The following FRY variants were observed in gnomAD, a reference collection of about 807,000 sequenced individuals.
FRY encodes protein furry homolog.
Under a neutral mutation model 348.4 loss-of-function variants are expected in FRY, and 128 were observed. The observed-to-expected ratio is 0.37, with a 90% confidence interval of 0.32 to 0.43. The LOEUF is 0.43. Among genes scored for constraint, FRY ranks in the 20% least tolerant of loss-of-function variants. The probability of loss-of-function intolerance (pLI) is 1.00; values close to 1 mark genes in which losing one functional copy is unlikely to be tolerated. For missense variants in FRY, 2,736 were observed against 3,695.2 expected, an observed-to-expected ratio of 0.74 and a Z score of 6.73; for synonymous variants, 1,370 against 1,374.7, an observed-to-expected ratio of 1.00 and a Z score of 0.08.
rs754925257 is a variant in FRY at position 32,237,920 on chromosome 13, C to T, written c.6352C>T (p.Leu2118=). The T allele has an allele frequency of 6.2e-7, 1 of 1,614,120 alleles. No homozygotes were observed. Among genetic ancestry groups the T allele is most frequent in the Non-Finnish European group, 8.5e-7 (1 of 1,179,976 alleles). ...FTSLTTTDLT[L]QLFSLLTPVS... The stretch of plus-strand genomic sequence containing the variant: ...ATCCCTCACCACCACAGACCTGACC[C>T]TGCAGCTCTTCAGTCTGCTGACACC... The change falls in exon 44 of 61, where the codon CTG becomes TTG. Residue 2118 remains leucine (L), a synonymous_variant. Coordinates refer to ENST00000542859, the MANE Select transcript of FRY (RefSeq NM_023037.3). The surrounding 1 kb of genome is among the most constrained non-coding windows in gnomAD (Gnocchi z 6.3).
chr13:32,135,504 A>G (rs1317093669), intron 10 of FRY, among the ~76,000 whole-genome samples: 1 of 152,186 alleles, frequency 6.6e-6, no homozygotes, highest in Non-Finnish European at 1.5e-5. Flanking sequence ...GCTAAAGTTT[A>G]TAATAACAGT....
chr13:32,202,858 A>G (rs530230582), intron 31 of FRY, among the ~76,000 whole-genome samples: 4 of 151,968 alleles, frequency 2.6e-5, no homozygotes, highest in African/African-American at 7.2e-5. Context: ...GCTAGGCAGG[A>G]GAATCGCTTG....
At chr13:32,193,234 G>C (rs944272455) in intron 28 of FRY, among the ~76,000 whole-genome samples, 1 of 151,388 alleles carries the variant, frequency 6.6e-6, no homozygotes, top group African/African-American at 2.4e-5. Flanking sequence ...AGTCTACTGA[G>C]ACTGTATTTC....
chr13:32,208,563 C>T (rs935449358), intron 31 of FRY, among the ~76,000 whole-genome samples: 6 of 152,146 alleles, frequency 3.9e-5, no homozygotes, highest in Non-Finnish European at 8.8e-5. Context: ...ATTTTGTCCA[C>T]CCTCTGATAT....
chr13:32,225,064 G>A lies in FRY; in HGVS notation c.5020+28G>A, dbSNP rs750418464. On this transcript the variant is annotated intron_variant, in intron 38 of 60. Coordinates refer to ENST00000542859, the MANE Select transcript of FRY (RefSeq NM_023037.3). ...AAGACTGGATCTAAAAGGCATTCTAGCCAATCGGGTTAAAAATATACAGAA... is the reference window on the plus strand; with the variant it reads ...AAGACTGGATCTAAAAGGCATTCTAACCAATCGGGTTAAAAATATACAGAA... The A allele has an allele frequency of 4.0e-6, 5 of 1,240,014 alleles. No homozygotes were observed. The Admixed American group carries it at 6.7e-5, about 17-fold the overall frequency. 76.8% of individuals were successfully genotyped at this position (1,240,014 alleles called of 1,614,324 possible).
chr13:32,140,113 C>T (rs189724148), intron 11 of FRY, among the ~76,000 whole-genome samples: 134 of 150,804 alleles, frequency 8.9e-4, no homozygotes, highest in Non-Finnish European at 1.4e-3. Context: ...GAAAAGAAAC[C>T]TCAAAGGTTA....
intron 51 of FRY, among the ~76,000 whole-genome samples, chr13:32,255,185 T>C (rs1396645979): frequency 6.6e-6 from 1 of 152,196 alleles, no homozygotes; most frequent in African/African-American, 2.4e-5. Flanking sequence ...GACTGGATGA[T>C]GCAAAGGTGC....
At chr13:32,093,020 A>G (rs574216989) in intron 2 of FRY, among the ~76,000 whole-genome samples, 2 of 152,340 alleles carry the variant, frequency 1.3e-5, no homozygotes, top group East Asian at 3.9e-4. Flanking sequence ...AAACGTAAAC[A>G]TATGCAAACA....
intron 1 of FRY, among the ~76,000 whole-genome samples, chr13:32,067,351 G>A (rs989615786): frequency 3.3e-5 from 5 of 150,878 alleles, no homozygotes; most frequent in African/African-American, 9.7e-5. Flanking sequence ...CTTTCAGTTC[G>A]TTTTTTTTTC....
intron 55 of FRY, among the ~76,000 whole-genome samples, chr13:32,273,355 T>G (rs1799692539): frequency 1.3e-5 from 2 of 151,846 alleles, no homozygotes. Flanking sequence ...CCCGAGTAGC[T>G]GGGACTACAG....
chr13:32,260,351 G>C (rs1231632691), intron 51 of FRY, among the ~76,000 whole-genome samples: 1 of 151,948 alleles, frequency 6.6e-6, no homozygotes, highest in African/African-American at 2.4e-5. Context: ...ATTTGTTTAG[G>C]TTAAAATTTG....
intron 18 of FRY, among the ~76,000 whole-genome samples, chr13:32,172,899 A>T (rs1566110597): frequency 6.6e-6 from 1 of 152,224 alleles, no homozygotes; most frequent in South Asian, 2.1e-4. Flanking sequence ...GAACTTTCAG[A>T]ATCCATCACA....
intron 28 of FRY, among the ~76,000 whole-genome samples, chr13:32,188,851 T>C (rs1050819107): frequency 6.6e-6 from 1 of 152,136 alleles, no homozygotes; most frequent in African/African-American, 2.4e-5. Context: ...ACTTGTCTAC[T>C]GCTGATGAGT....
chr13:32,076,224 A>C (rs769369625), intron 1 of FRY, among the ~76,000 whole-genome samples: 3 of 152,210 alleles, frequency 2.0e-5, no homozygotes, highest in Non-Finnish European at 4.4e-5. Flanking sequence ...TTGTCTTGCA[A>C]TAACTGTATA....
chr13:32,249,453 C>T (rs570385820), intron 48 of FRY, 73 bp from the exon 49 acceptor site: 114 of 1,524,866 alleles, frequency 7.5e-5, no homozygotes, highest in Admixed American at 2.9e-4. Context: ...CTCTTGGTTG[C>T]TTCTGGGGAG....
intron 2 of FRY, among the ~76,000 whole-genome samples, chr13:32,094,053 C>T (rs1487417461): frequency 6.6e-6 from 1 of 152,046 alleles, no homozygotes; most frequent in Non-Finnish European, 1.5e-5. Context: ...GGTTAAATAC[C>T]CATTGTGTAT....
At chr13:32,177,636 T>C (rs140064676) in intron 20 of FRY, among the ~76,000 whole-genome samples, 1 of 146,526 alleles carries the variant, frequency 6.8e-6, no homozygotes, top group African/African-American at 2.5e-5. Flanking sequence ...TACGTAGATA[T>C]CTTATCTCAA....
chr13:32,172,361 A>G (rs1365311197), intron 18 of FRY, among the ~76,000 whole-genome samples: 1 of 152,118 alleles, frequency 6.6e-6, no homozygotes, highest in Non-Finnish European at 1.5e-5. Context: ...ACATATTGAT[A>G]TGGATATGGA....
intron 4 of FRY, among the ~76,000 whole-genome samples, chr13:32,117,980 C>T (rs894462198): frequency 6.6e-6 from 1 of 152,168 alleles, no homozygotes; most frequent in Non-Finnish European, 1.5e-5. Flanking sequence ...GTGAGCAAAA[C>T]AAGGAAGTTA....
Sources: gnomAD v4.1 joint callset for allele counts (sites outside exome capture counted in the v4.1 genomes callset) on GRCh38, gnomAD v4.1.1 for gene constraint, Gnocchi (gnomAD v3.1) non-coding constraint, MANE v1.5 for transcripts, NCBI Gene and HGNC (gene_info 2026-07-23, HGNC 2026-07-21) for gene names.